Variants in IGSF5 observed in about 807,000 individuals in gnomAD.
IGSF5 encodes immunoglobulin superfamily 5 like.
Under a neutral mutation model 39.4 loss-of-function variants are expected in IGSF5, and 41 were observed. The observed-to-expected ratio is 1.04, with a 90% confidence interval of 0.81 to 1.35. IGSF5 has a LOEUF of 1.35. Among genes scored for constraint, IGSF5 ranks in the 40% most tolerant of loss-of-function variants. The pLI, the probability that IGSF5 is intolerant of heterozygous loss-of-function variation, is 0.00. For synonymous variants in IGSF5, 183 were observed against 175.3 expected (o/e 1.04, Z -0.34); for missense variants, 487 against 494.6 (o/e 0.98, Z 0.15).
the IGSF5 span, among the ~76,000 whole-genome samples, chr21:39,718,091 T>A: frequency 0.11 from 16,181 of 152,024 alleles, 1,152 homozygotes; most frequent in East Asian, 0.22. Context: ...TGGGTATTTT[T>A]TTTTTGTGTG....
upstream of IGSF5, among the ~76,000 whole-genome samples, chr21:39,743,478 C>T (rs1248646739): frequency 6.6e-6 from 1 of 152,260 alleles, no homozygotes; most frequent in Admixed American, 6.5e-5. Context: ...GTTACATGCA[C>T]TCTGGCTGGG....
At chr21:39,794,371 C>T (rs574729124) in intron 8 of IGSF5, among the ~76,000 whole-genome samples, 4 of 152,042 alleles carry the variant, frequency 2.6e-5, no homozygotes, top group African/African-American at 9.7e-5. Context: ...TCTGCAGTTC[C>T]AGGGAGAGGT....
At chr21:39,744,789 C>A (rs115707057), upstream of IGSF5, among the ~76,000 whole-genome samples, 3 of 152,176 alleles carry the variant, frequency 2.0e-5, no homozygotes, top group African/African-American at 7.2e-5. Context: ...GTGCTCACAG[C>A]GAAGTTTCCT....
intron 8 of IGSF5, among the ~76,000 whole-genome samples, chr21:39,797,292 C>T (rs1390734121): frequency 7.0e-6 from 1 of 143,768 alleles, no homozygotes; most frequent in Non-Finnish European, 1.5e-5. Context: ...GATCTTGGCT[C>T]ACCGCAACCT....
chr21:39,754,284 C>A (rs1171881387), intron 2 of IGSF5, among the ~76,000 whole-genome samples: 1 of 152,192 alleles, frequency 6.6e-6, no homozygotes, highest in Non-Finnish European at 1.5e-5. Flanking sequence ...GACTGACAAT[C>A]ATTTTGTTTA....
the IGSF5 span, among the ~76,000 whole-genome samples, chr21:39,731,011 C>T: frequency 6.6e-6 from 1 of 152,198 alleles, no homozygotes; most frequent in Non-Finnish European, 1.5e-5. Context: ...CATGGACAAA[C>T]CAGAGTGTCC....
At chr21:39,791,387 TA>T (rs1262128434) in intron 6 of IGSF5, among the ~76,000 whole-genome samples, 1 of 152,214 alleles carries the variant, frequency 6.6e-6, no homozygotes, top group Non-Finnish European at 1.5e-5. Flanking sequence ...CATACATCCT[TA>T]GAGGTCAAGT....
chr21:39,786,247 A>C (rs2086918629), intron 5 of IGSF5, among the ~76,000 whole-genome samples: 1 of 152,106 alleles, frequency 6.6e-6, no homozygotes, highest in South Asian at 2.1e-4. Context: ...CAATGAACTC[A>C]AACAAATTTA....
intron 3 of IGSF5, among the ~76,000 whole-genome samples, chr21:39,770,432 T>C (rs78853381): frequency 6.6e-6 from 1 of 152,006 alleles, no homozygotes; most frequent in Admixed American, 6.6e-5. Flanking sequence ...TAGAAATAAA[T>C]AAAAATGTAT....
At chr21:39,788,674 A>G (rs457024) in intron 6 of IGSF5, among the ~76,000 whole-genome samples, 52,867 of 152,166 alleles carry the variant, frequency 0.35, 9,986 homozygotes, top group Non-Finnish European at 0.44. Context: ...GGGAGCGGAC[A>G]GGACGGAAAA....
the IGSF5 span, among the ~76,000 whole-genome samples, chr21:39,733,146 A>C: frequency 6.6e-6 from 1 of 152,186 alleles, no homozygotes; most frequent in African/African-American, 2.4e-5. Flanking sequence ...TGCATACATA[A>C]ATTCATCTCA....
intron 2 of IGSF5, among the ~76,000 whole-genome samples, chr21:39,764,175 C>G (rs1041202706): frequency 5.9e-5 from 9 of 152,134 alleles, no homozygotes; most frequent in African/African-American, 2.2e-4. Context: ...GGGGACTGTT[C>G]CTGGTGGCGG....
intron 2 of IGSF5, among the ~76,000 whole-genome samples, chr21:39,750,741 T>C (rs1175596862): frequency 6.6e-6 from 1 of 152,274 alleles, no homozygotes; most frequent in East Asian, 1.9e-4. Context: ...CTCGGGACTT[T>C]TTTCTTTCTT....
In IGSF5 at chr21:39,770,292, T is replaced by C. The variant is rs561220068; in HGVS notation, c.419-624T>C. Among the ~76,000 whole-genome samples the C allele has an allele frequency of 4.1e-4, 62 of 152,276 alleles. 1 individual carries two copies. The highest frequency in any genetic ancestry group is 1.4e-3 in the African/African-American group (58 of 41,536). On this transcript the variant is annotated intron_variant, in intron 3 of 8. Coordinates refer to ENST00000380588, the MANE Select transcript of IGSF5 (RefSeq NM_001080444.2). ...GTTCTTAATAAAAAAATAACTTATC[T>C]AAGTTATTCTGGCACATGATTTGGG...
intron 2 of IGSF5, among the ~76,000 whole-genome samples, chr21:39,757,276 C>CCTGT (rs56132345): frequency 0.91 from 137,756 of 151,912 alleles, 62,515 homozygotes; most frequent in East Asian, 0.96. Flanking sequence ...CATTCGGTTG[C>CCTGT]CTTTCCTTTT....
chr21:39,751,449 A>G (rs544989672), intron 2 of IGSF5: 4 of 152,232 alleles, frequency 2.6e-5, no homozygotes, highest in Non-Finnish European at 5.9e-5. Flanking sequence ...AGTTCTGGAC[A>G]TTTGCACACA....
At chr21:39,792,524 A>G (rs2086971428) in intron 7 of IGSF5, among the ~76,000 whole-genome samples, 1 of 135,800 alleles carries the variant, frequency 7.4e-6, no homozygotes, top group Non-Finnish European at 1.7e-5. Context: ...AACTTAAAGT[A>G]TAATAAAAAA....
chr21:39,786,914 C>T (rs1467410512), intron 5 of IGSF5, among the ~76,000 whole-genome samples: 1 of 151,386 alleles, frequency 6.6e-6, no homozygotes, highest in Non-Finnish European at 1.5e-5. Flanking sequence ...ACAATGAGAA[C>T]ACATGGATAC....
At chr21:39,727,141 G>A in the IGSF5 span, among the ~76,000 whole-genome samples, 6 of 152,206 alleles carry the variant, frequency 3.9e-5, no homozygotes, top group Non-Finnish European at 8.8e-5. Flanking sequence ...GTTGCTTTCC[G>A]TGTAACTCCT....
Sources: allele counts gnomAD v4.1 joint callset (sites outside exome capture counted in the v4.1 genomes callset), GRCh38; gene constraint gnomAD v4.1.1; transcripts MANE v1.5; gene names NCBI Gene and HGNC (gene_info 2026-07-23, HGNC 2026-07-21).